DAP: variants seen among roughly 807,000 people sequenced by gnomAD.
DAP encodes the protein death associated protein.
In DAP, 8 loss-of-function variants were observed where a neutral mutation model predicts 13.8. That is an observed-to-expected ratio of 0.58 (90% CI 0.34 to 1.05). The LOEUF is 1.05. DAP is among the 50% of genes least tolerant of loss of function. The pLI is 0.03. For missense variants in DAP, 106 were observed against 133.2 expected (o/e 0.80, Z 1.01); for synonymous variants, 47 against 47.5 (o/e 0.99, Z 0.04).
chr5:10,748,360 A>C (rs1352500043), intron 1 of DAP, 89 bp from the exon 2 acceptor site: 3 of 942,598 alleles, frequency 3.2e-6, no homozygotes, highest in Non-Finnish European at 5.2e-6. Flanking sequence ...CTGGTTGCTC[A>C]GTGGCCACAA....
At chr5:10,736,163 C>A (rs5745207) in intron 2 of DAP, among the ~76,000 whole-genome samples, 2,581 of 152,310 alleles carry the variant, frequency 0.017, 54 homozygotes, top group African/African-American at 0.055. Context: ...CCTTCCCCAG[C>A]GCCTGCAGAG....
rs138254981 is a variant in DAP, at chr5:10,739,456, C to T, written c.152+8719G>A. 4.8e-3 allele frequency among the ~76,000 whole-genome samples: 734 copies of T among 151,982 alleles called. 6 individuals carry two copies. The highest frequency in any genetic ancestry group is 0.017 in the African/African-American group (692 of 41,440). The stretch of plus-strand genomic sequence containing the variant: ...GTGTTTTTATATGTTGTCTAATTGA[C>T]CAGTGAATTATAATCACATGAGGCA... On this transcript the variant is annotated intron_variant, in intron 2 of 3. Transcript: ENST00000230895.
chr5:10,760,033 G>T (rs1740300337), intron 1 of DAP, among the ~76,000 whole-genome samples: 1 of 152,034 alleles, frequency 6.6e-6, no homozygotes, highest in Admixed American at 6.5e-5. Flanking sequence ...GGGGTTACAG[G>T]CATGAGCCAC....
At chr5:10,749,451 G>T (rs1025148577) in intron 1 of DAP, among the ~76,000 whole-genome samples, 1 of 151,480 alleles carries the variant, frequency 6.6e-6, no homozygotes, top group Non-Finnish European at 1.5e-5. Context: ...TTCTCCACAT[G>T]TTCCCGACAC....
intron 1 of DAP, among the ~76,000 whole-genome samples, chr5:10,759,887 T>C (rs907390265): frequency 1.1e-4 from 16 of 151,430 alleles, no homozygotes; most frequent in African/African-American, 3.2e-4. Flanking sequence ...CCTGAATAGC[T>C]GGGATTACAG....
chr5:10,703,116 T>C (rs933351264), intron 2 of DAP, among the ~76,000 whole-genome samples: 12 of 152,206 alleles, frequency 7.9e-5, no homozygotes, highest in African/African-American at 2.9e-4. Context: ...TGATTCCCCT[T>C]ATCACCAAGC....
At chr5:10,722,928 A>G (rs148930907) in intron 2 of DAP, among the ~76,000 whole-genome samples, 2 of 152,342 alleles carry the variant, frequency 1.3e-5, no homozygotes, top group Non-Finnish European at 2.9e-5. Context: ...GAAGCTGCAT[A>G]GCCAGACATT....
chr5:10,717,682 A>G lies in DAP; in HGVS notation c.152+30493T>C, dbSNP rs76577387. 4.4e-4 allele frequency among the ~76,000 whole-genome samples: 67 copies of G among 152,320 alleles called. No individual in the cohort carries two copies. The East Asian group carries it at 0.012, about 26-fold the overall frequency. On this transcript the variant is annotated intron_variant, in intron 2 of 3. Coordinates refer to ENST00000230895, the MANE Select transcript of DAP (RefSeq NM_004394.3). ...ATCCACCCCAATACCTCTGTTTGCT[A>G]ATTAGATACCAAGGTGGCAGGGGCC... is the stretch of plus-strand genomic sequence containing the variant.
intron 2 of DAP, among the ~76,000 whole-genome samples, chr5:10,703,137 A>C (rs1220614780): frequency 1.3e-5 from 2 of 152,252 alleles, no homozygotes; most frequent in East Asian, 3.8e-4. Context: ...ACCTAGGAGC[A>C]GGGCTCTGTG....
At chr5:10,691,280 T>C (rs1012049795) in intron 2 of DAP, among the ~76,000 whole-genome samples, 2 of 152,260 alleles carry the variant, frequency 1.3e-5, no homozygotes, top group African/African-American at 4.8e-5. Context: ...ACAGAGCGTA[T>C]GTTGTGTTGA....
intron 2 of DAP, among the ~76,000 whole-genome samples, chr5:10,727,459 A>C (rs1027222824): frequency 2.0e-5 from 3 of 152,154 alleles, no homozygotes; most frequent in Non-Finnish European, 2.9e-5. Flanking sequence ...CCAGGCAGGA[A>C]GCCCTGACAG....
chr5:10,700,880 T>A (rs1244604630), intron 2 of DAP, among the ~76,000 whole-genome samples: 1 of 152,246 alleles, frequency 6.6e-6, no homozygotes, highest in African/African-American at 2.4e-5. Context: ...CATTCTGTTA[T>A]CTCAAACCAG....
At chr5:10,691,055 C>G (rs963831674) in intron 2 of DAP, among the ~76,000 whole-genome samples, 5 of 152,342 alleles carry the variant, frequency 3.3e-5, no homozygotes, top group African/African-American at 1.2e-4. Context: ...TAAGAATAAG[C>G]TTCCCTGCCA....
At chr5:10,726,824 G>A (rs1303697320) in intron 2 of DAP, among the ~76,000 whole-genome samples, 2 of 152,222 alleles carry the variant, frequency 1.3e-5, no homozygotes, top group Non-Finnish European at 2.9e-5. Context: ...GTCAGAGAGA[G>A]CAGAAAGAAC....
At chr5:10,684,099 C>T (rs1738099837) in intron 2 of DAP, among the ~76,000 whole-genome samples, 1 of 152,228 alleles carries the variant, frequency 6.6e-6, no homozygotes, top group Non-Finnish European at 1.5e-5. Context: ...GCTGGGATTA[C>T]AGGGATGAGC....
chr5:10,712,951 G>A (rs1738889120), intron 2 of DAP, among the ~76,000 whole-genome samples: 2 of 152,102 alleles, frequency 1.3e-5, no homozygotes, highest in African/African-American at 4.8e-5. Context: ...AGCCTGAGGT[G>A]GACCCCAAGG....
intron 2 of DAP, among the ~76,000 whole-genome samples, chr5:10,740,185 C>T (rs1739721020): frequency 6.6e-6 from 1 of 152,074 alleles, no homozygotes; most frequent in African/African-American, 2.4e-5. Flanking sequence ...GGACTTATTG[C>T]CACACTGGGC....
At chr5:10,696,874 G>A (rs1299639974) in intron 2 of DAP, among the ~76,000 whole-genome samples, 1 of 152,136 alleles carries the variant, frequency 6.6e-6, no homozygotes, top group East Asian at 1.9e-4. Context: ...TATGAGAAAA[G>A]GTTCCCCCAG....
chr5:10,685,767 C>T (rs1474029550), intron 2 of DAP, among the ~76,000 whole-genome samples: 2 of 152,170 alleles, frequency 1.3e-5, no homozygotes, highest in Non-Finnish European at 2.9e-5. Flanking sequence ...CATCACCCCA[C>T]TCCAGAAACT....
Sources: gnomAD v4.1 joint callset for allele counts (sites outside exome capture counted in the v4.1 genomes callset) on GRCh38, gnomAD v4.1.1 for gene constraint, MANE v1.5 for transcripts, NCBI Gene and HGNC (gene_info 2026-07-23, HGNC 2026-07-21) for gene names.